Variants in PALLD observed in about 807,000 individuals in gnomAD.
PALLD encodes palladin, cytoskeletal associated protein, also known as palladin.
A neutral mutation model predicts 123.5 loss-of-function variants in PALLD; 61 were observed. The observed-to-expected ratio is 0.49, with a 90% CI of 0.40 to 0.61. The LOEUF is 0.61. Ranked by LOEUF, PALLD falls within the 20% of genes least tolerant of loss-of-function variation. The pLI is 0.00. For missense variants in PALLD, 1,273 were observed against 1,377.0 expected (o/e 0.92, Z 1.20); for synonymous variants, 465 against 496.4 (o/e 0.94, Z 0.84).
At chr4:168,606,127 T>C (rs1773140619) in intron 2 of PALLD, among the ~76,000 whole-genome samples, 1 of 152,232 alleles carries the variant, frequency 6.6e-6, no homozygotes, top group Non-Finnish European at 1.5e-5. Flanking sequence ...TTTACTAGTA[T>C]GGGAGGCAAA....
intron 10 of PALLD, among the ~76,000 whole-genome samples, chr4:168,750,122 A>G (rs1368703667): frequency 6.6e-6 from 1 of 151,796 alleles, no homozygotes; most frequent in African/African-American, 2.4e-5. Context: ...TAATTTCTGT[A>G]TTTTTGTAGA....
chr4:168,744,687 T>C (rs747435647), intron 10 of PALLD, among the ~76,000 whole-genome samples: 26 of 152,206 alleles, frequency 1.7e-4, no homozygotes, highest in African/African-American at 5.8e-4. Context: ...ATTCAACTTA[T>C]GAAGTTTCAA....
At chr4:168,851,581 TG>T (rs1008834167) in intron 10 of PALLD, among the ~76,000 whole-genome samples, 2 of 152,162 alleles carry the variant, frequency 1.3e-5, no homozygotes, top group Non-Finnish European at 2.9e-5. Context: ...CTGGCCAGGC[TG>T]GTCTCGAACT....
chr4:168,908,223 A>G (rs180900010), intron 15 of PALLD, among the ~76,000 whole-genome samples: 132 of 152,322 alleles, frequency 8.7e-4, no homozygotes, highest in African/African-American at 2.8e-3. Flanking sequence ...TATGGCAGAT[A>G]TAAGTTCTGT....
intron 2 of PALLD, among the ~76,000 whole-genome samples, chr4:168,594,436 C>T (rs575646496): frequency 3.9e-5 from 6 of 152,120 alleles, no homozygotes; most frequent in South Asian, 4.2e-4. Context: ...AAAAAACAGA[C>T]GCGTGAGGGG....
chr4:168,706,101 T>C (rs1784204713), intron 8 of PALLD, among the ~76,000 whole-genome samples: 1 of 152,208 alleles, frequency 6.6e-6, no homozygotes, highest in Non-Finnish European at 1.5e-5. Flanking sequence ...GTGCAGCAGA[T>C]GTCTAGAACG....
At chr4:168,658,479 G>T (rs182426983) in intron 2 of PALLD, among the ~76,000 whole-genome samples, 1 of 151,892 alleles carries the variant, frequency 6.6e-6, no homozygotes, top group Non-Finnish European at 1.5e-5. Flanking sequence ...TAGAGACAGG[G>T]TCTTGTCATC....
At chr4:168,694,766 C>T (rs1782982029) in intron 8 of PALLD, among the ~76,000 whole-genome samples, 1 of 152,192 alleles carries the variant, frequency 6.6e-6, no homozygotes, top group Non-Finnish European at 1.5e-5. Flanking sequence ...TTACACTCCC[C>T]TCTCTGTCTA....
chr4:168,710,298 C>A (rs139731314), intron 9 of PALLD, among the ~76,000 whole-genome samples: 2,637 of 146,310 alleles, frequency 0.018, 89 homozygotes, highest in South Asian at 0.15. Context: ...CTTTTCTTTT[C>A]TTTTTATTTG....
At chr4:168,721,463 AT>A (rs202174958) in intron 10 of PALLD, among the ~76,000 whole-genome samples, 40 of 152,324 alleles carry the variant, frequency 2.6e-4, no homozygotes, top group African/African-American at 8.9e-4. Context: ...AAAATAAAAA[AT>A]AATACACTTT....
At chr4:168,617,428 T>C (rs763764633) in intron 2 of PALLD, among the ~76,000 whole-genome samples, 1 of 152,106 alleles carries the variant, frequency 6.6e-6, no homozygotes, top group Non-Finnish European at 1.5e-5. Flanking sequence ...TTGTGGGGGA[T>C]GAGATATGGA....
At chr4:168,767,799 G>A (rs538859927) in intron 10 of PALLD, among the ~76,000 whole-genome samples, 88 of 152,088 alleles carry the variant, frequency 5.8e-4, no homozygotes, top group African/African-American at 2.0e-3. Flanking sequence ...CACCTGCCTC[G>A]GCCGCCCAAA....
At chr4:168,703,013 T>G (rs1783836475) in intron 8 of PALLD, among the ~76,000 whole-genome samples, 1 of 142,160 alleles carries the variant, frequency 7.0e-6, no homozygotes, top group Non-Finnish European at 1.5e-5. Context: ...ACCCACTAAC[T>G]CGTCATCTAG....
At chr4:168,900,009 G>A (rs1029027076) in intron 14 of PALLD, among the ~76,000 whole-genome samples, 11 of 152,050 alleles carry the variant, frequency 7.2e-5, no homozygotes, top group Non-Finnish European at 1.0e-4. Context: ...CTCCTGGTGC[G>A]GCCTCAGGAA....
At chr4:168,698,943 T>C (rs567592427) in intron 8 of PALLD, among the ~76,000 whole-genome samples, 7 of 152,274 alleles carry the variant, frequency 4.6e-5, no homozygotes, top group Non-Finnish European at 7.4e-5. Flanking sequence ...TCTAAAGCAC[T>C]GGGAATGTTT....
intron 3 of PALLD, 44 bp downstream of exon 3, chr4:168,668,412 G>T: frequency 1.3e-6 from 2 of 1,486,498 alleles, no homozygotes; most frequent in South Asian, 1.3e-5. Flanking sequence ...GGGTGTCAAT[G>T]GTCTAATGAC....
chr4:168,731,921 A>G (rs984522542), intron 10 of PALLD, among the ~76,000 whole-genome samples: 18 of 152,214 alleles, frequency 1.2e-4, no homozygotes, highest in African/African-American at 3.9e-4. Context: ...GCAAATTTAG[A>G]TATGAAATCA....
intron 2 of PALLD, among the ~76,000 whole-genome samples, chr4:168,630,223 G>A (rs758598780): frequency 6.6e-6 from 1 of 152,190 alleles, no homozygotes; most frequent in Non-Finnish European, 1.5e-5. Flanking sequence ...CTGCTTCATT[G>A]TGATGCCTTT....
At chr4:168,777,641 C>T (rs1340472483) in intron 10 of PALLD, among the ~76,000 whole-genome samples, 4 of 152,190 alleles carry the variant, frequency 2.6e-5, no homozygotes, top group African/African-American at 9.7e-5. Context: ...AGAGGCTGTT[C>T]ATCTGAGAGC....
Sources: allele counts gnomAD v4.1 joint callset (sites outside exome capture counted in the v4.1 genomes callset), GRCh38; gene constraint gnomAD v4.1.1; transcripts MANE v1.5; gene names NCBI Gene and HGNC (gene_info 2026-07-23, HGNC 2026-07-21).